TMEFF2: variants seen among roughly 807,000 people sequenced by gnomAD.
TMEFF2 encodes the protein transmembrane protein with EGF like and two follistatin like domains 2, also known as tomoregulin-2.
In TMEFF2, 28 loss-of-function variants were observed where a neutral mutation model predicts 53.8. The observed-to-expected ratio is 0.52, with a 90% CI of 0.39 to 0.71. TMEFF2 has a LOEUF of 0.71. TMEFF2 is among the 30% of genes least tolerant of loss of function. The pLI, the probability that TMEFF2 is intolerant of heterozygous loss-of-function variation, is 0.00. For missense variants in TMEFF2, 353 were observed against 455.2 expected (o/e 0.78, Z 2.04); for synonymous variants, 162 against 166.3 (o/e 0.97, Z 0.20).
At chr2:192,094,253 A>C (rs1394686245) in intron 4 of TMEFF2, among the ~76,000 whole-genome samples, 1 of 152,168 alleles carries the variant, frequency 6.6e-6, no homozygotes, top group Non-Finnish European at 1.5e-5. Context: ...AACACAGATA[A>C]AAGTTGAATG....
At chr2:191,973,053 G>A (rs912774544) in intron 7 of TMEFF2, among the ~76,000 whole-genome samples, 24 of 152,222 alleles carry the variant, frequency 1.6e-4, no homozygotes, top group Middle Eastern at 3.4e-3. Context: ...AATTGTCTAC[G>A]AAGAATTTGG....
chr2:191,969,125 A>ATG (rs1272680651), intron 7 of TMEFF2, among the ~76,000 whole-genome samples: 4 of 128,874 alleles, frequency 3.1e-5, no homozygotes, highest in African/African-American at 5.9e-5. Flanking sequence ...ATGTTTGTGT[A>ATG]TGTGTGTGTG....
chr2:192,035,112 T>C (rs1687253496), intron 5 of TMEFF2: 1 of 152,200 alleles, frequency 6.6e-6, no homozygotes. Context: ...GGGTATAATG[T>C]TATGTTGCAG....
intron 4 of TMEFF2, among the ~76,000 whole-genome samples, chr2:192,147,447 G>A (rs567657720): frequency 5.3e-5 from 8 of 151,532 alleles, no homozygotes; most frequent in African/African-American, 1.2e-4. Context: ...CGTCATTTAC[G>A]TTAGGTATAT....
At chr2:192,085,010 C>T (rs1391207620) in intron 4 of TMEFF2, among the ~76,000 whole-genome samples, 3 of 152,140 alleles carry the variant, frequency 2.0e-5, no homozygotes, top group African/African-American at 7.2e-5. Flanking sequence ...AAAAATTGAA[C>T]CAGCCTCCAA....
chr2:192,022,487 A>T (rs1446539675), intron 5 of TMEFF2, among the ~76,000 whole-genome samples: 1 of 152,178 alleles, frequency 6.6e-6, no homozygotes, highest in Non-Finnish European at 1.5e-5. Context: ...CAGCTCTCAC[A>T]AATGTGTAGG....
intron 4 of TMEFF2, among the ~76,000 whole-genome samples, chr2:192,164,457 C>T (rs1007946582): frequency 6.6e-6 from 1 of 152,118 alleles, no homozygotes; most frequent in Non-Finnish European, 1.5e-5. Flanking sequence ...AGGCCAGGCG[C>T]GGTGGCTCAT....
intron 4 of TMEFF2, among the ~76,000 whole-genome samples, chr2:192,087,812 T>G (rs1688700548): frequency 1.3e-5 from 2 of 152,206 alleles, no homozygotes; most frequent in African/African-American, 4.8e-5. Flanking sequence ...TTGACTCCTC[T>G]GTTAATACCT....
intron 5 of TMEFF2, among the ~76,000 whole-genome samples, chr2:192,056,095 A>G (rs1357053749): frequency 6.6e-6 from 1 of 152,194 alleles, no homozygotes; most frequent in Non-Finnish European, 1.5e-5. Context: ...CTACTGCCAC[A>G]TAATCTTGTC....
At chr2:192,138,268 G>A (rs1690058073) in intron 4 of TMEFF2, among the ~76,000 whole-genome samples, 1 of 152,234 alleles carries the variant, frequency 6.6e-6, no homozygotes, top group Admixed American at 6.5e-5. Flanking sequence ...AATACTGCAT[G>A]TATGGTATAT....
At chr2:192,189,718 G>A (rs1455838771) in intron 2 of TMEFF2, among the ~76,000 whole-genome samples, 1 of 151,998 alleles carries the variant, frequency 6.6e-6, no homozygotes, top group Admixed American at 6.6e-5. Context: ...CATGTATTGG[G>A]AAAAGATGGA....
intron 5 of TMEFF2, among the ~76,000 whole-genome samples, chr2:192,051,230 G>T (rs1311365724): frequency 1.9e-4 from 28 of 145,630 alleles, no homozygotes; most frequent in African/African-American, 5.5e-4. Flanking sequence ...TTTTTTCTGG[G>T]TTTTTTTTTT....
At chr2:192,073,141 A>T (rs1688329637) in intron 4 of TMEFF2, among the ~76,000 whole-genome samples, 1 of 152,000 alleles carries the variant, frequency 6.6e-6, no homozygotes, top group Admixed American at 6.6e-5. Context: ...CTGTGTATAT[A>T]GGTGGGTTTG....
chr2:192,067,804 A>G (rs747261932), intron 4 of TMEFF2, among the ~76,000 whole-genome samples: 1 of 151,862 alleles, frequency 6.6e-6, no homozygotes, highest in South Asian at 2.1e-4. Context: ...CAATCTGTTA[A>G]TAACTTACTC....
intron 5 of TMEFF2, among the ~76,000 whole-genome samples, chr2:192,045,741 A>C (rs1687603778): frequency 6.6e-6 from 1 of 152,160 alleles, no homozygotes; most frequent in Non-Finnish European, 1.5e-5. Flanking sequence ...CCGAGTCCCT[A>C]ATATGGCACC....
chr2:192,050,895 T>C (rs1687753188), intron 5 of TMEFF2, among the ~76,000 whole-genome samples: 1 of 152,188 alleles, frequency 6.6e-6, no homozygotes, highest in African/African-American at 2.4e-5. Context: ...ATCAACATTT[T>C]CCCCTTGAAA....
At chr2:192,004,250 C>T (rs574605238) in intron 5 of TMEFF2, among the ~76,000 whole-genome samples, 92 of 152,224 alleles carry the variant, frequency 6.0e-4, no homozygotes, top group African/African-American at 2.2e-3. Context: ...AACTAAGGCT[C>T]ACTGTCCTCC....
chr2:192,074,910 C>T (rs1688372168), intron 4 of TMEFF2, among the ~76,000 whole-genome samples: 1 of 151,820 alleles, frequency 6.6e-6, no homozygotes, highest in African/African-American at 2.4e-5. Flanking sequence ...GAGAGAATAT[C>T]TTACTATGAT....
intron 5 of TMEFF2, among the ~76,000 whole-genome samples, chr2:192,037,623 AG>A (rs1687356843): frequency 1.1e-5 from 1 of 89,198 alleles, no homozygotes; most frequent in Non-Finnish European, 2.3e-5. Flanking sequence ...AGAAAGAGAG[AG>A]AGGAGAGAAA....
Sources: allele counts gnomAD v4.1 joint callset (sites outside exome capture counted in the v4.1 genomes callset), GRCh38; gene constraint gnomAD v4.1.1; transcripts MANE v1.5; gene names NCBI Gene and HGNC (gene_info 2026-07-23, HGNC 2026-07-21).